DNAJC1: variants seen among roughly 807,000 people sequenced by gnomAD.
The protein encoded by DNAJC1 is dnaJ homolog subfamily C member 1.
A neutral mutation model predicts 76.6 loss-of-function variants in DNAJC1; 58 were observed. The ratio of observed to expected loss-of-function variants is 0.76; its 90% CI spans 0.61 to 0.94. The LOEUF (loss-of-function observed/expected upper bound fraction) is 0.94. Ranked by LOEUF, DNAJC1 falls within the 40% of genes least tolerant of loss-of-function variation. The pLI, the probability that DNAJC1 is intolerant of heterozygous loss-of-function variation, is 0.00. For synonymous variants in DNAJC1, 258 were observed against 267.9 expected, an observed-to-expected ratio of 0.96 and a Z score of 0.36; for missense variants, 689 against 677.3, an observed-to-expected ratio of 1.02 and a Z score of -0.19.
chr10:21,978,932 G>A (rs111335159), intron 1 of DNAJC1, among the ~76,000 whole-genome samples: 5,335 of 151,898 alleles, frequency 0.035, 143 homozygotes, highest in African/African-American at 0.069. Flanking sequence ...AGGTGTAATC[G>A]GTTACTCAGA....
At chr10:21,856,732 G>GA (rs1285612197) in intron 8 of DNAJC1, among the ~76,000 whole-genome samples, 6 of 151,412 alleles carry the variant, frequency 4.0e-5, no homozygotes, top group South Asian at 2.1e-4. Flanking sequence ...ATGACACATA[G>GA]AAAAAAAAAT....
chr10:21,763,603 T>C (rs1834265276), intron 10 of DNAJC1, among the ~76,000 whole-genome samples: 1 of 151,686 alleles, frequency 6.6e-6, no homozygotes, highest in Admixed American at 6.6e-5. Context: ...GCCAAGAATT[T>C]ATTTATTTAT....
At chr10:21,891,298 C>CA (rs1421119057) in intron 7 of DNAJC1, among the ~76,000 whole-genome samples, 1 of 150,896 alleles carries the variant, frequency 6.6e-6, no homozygotes, top group Non-Finnish European at 1.5e-5. Context: ...AAAGTTTCAG[C>CA]AAAAAAATAG....
Position 21,759,235 on chromosome 10 carries a change from G to A in DNAJC1, c.1531C>T (p.Gln511Ter). Reference protein sequence around the residue: ...QQKLLELALQQYPRGSSDRWD... With the variant: ...QQKLLELALQ Reference sequence around the variant, plus strand: ...CGGTCAGAGGATCCCCTTGGGTACTGCTGCAACGCCAGTTCCAGAAGTTTC... The same window carrying A: ...CGGTCAGAGGATCCCCTTGGGTACTACTGCAACGCCAGTTCCAGAAGTTTC... Residue 511 changes from glutamine (Q) to a stop codon, truncating the protein, a stop_gained, in exon 11 of 12, where the codon CAG becomes TAG. Coordinates refer to ENST00000376980, the MANE Select transcript of DNAJC1 (RefSeq NM_022365.4). LOFTEE classifies it high-confidence loss of function. 4 of 1,614,216 alleles carry A rather than the reference G, an allele frequency of 2.5e-6. No individual in the cohort carries two copies. Among genetic ancestry groups the A allele is most frequent in the East Asian group, 2.2e-5 (1 of 44,888 alleles).
chr10:21,943,903 A>G (rs1837461201), intron 1 of DNAJC1, among the ~76,000 whole-genome samples: 1 of 151,500 alleles, frequency 6.6e-6, no homozygotes, highest in African/African-American at 2.4e-5. Flanking sequence ...TCCATGCCAC[A>G]TCAGCAAAAA....
rs1213172688 is a variant in DNAJC1 at position 21,766,254 on chromosome 10, A to G, written c.1147+7T>C. On this transcript the variant is annotated splice_region_variant and intron_variant, in intron 10 of 11. Transcript: ENST00000376980. ...AGATTAATGAGATAGAGGAAGTATG[A>G]ACTCACCTGGGGAGCAGGTCACTGA... 6.2e-7 allele frequency: 1 copy of G among 1,606,738 alleles called. No homozygotes were observed. Among genetic ancestry groups the G allele is most frequent in the East Asian group, 2.2e-5 (1 of 44,848 alleles).
intron 1 of DNAJC1, among the ~76,000 whole-genome samples, chr10:21,964,364 G>A (rs1201584975): frequency 6.6e-6 from 1 of 151,964 alleles, no homozygotes; most frequent in African/African-American, 2.4e-5. Flanking sequence ...ACAGGCACAC[G>A]CCACCATGCC....
intron 9 of DNAJC1, among the ~76,000 whole-genome samples, chr10:21,801,940 G>C (rs1278406924): frequency 1.3e-5 from 2 of 152,120 alleles, no homozygotes; most frequent in Non-Finnish European, 2.9e-5. Context: ...GCTAAATGAT[G>C]AGAACTCATG....
At chr10:21,993,020 C>T (rs568489733) in intron 1 of DNAJC1, among the ~76,000 whole-genome samples, 36 of 152,122 alleles carry the variant, frequency 2.4e-4, no homozygotes, top group Admixed American at 1.1e-3. Flanking sequence ...TTTGTTTCTA[C>T]GAGAGCTAAA....
rs149520499 is a variant in DNAJC1, at chr10:21,824,481, C to T, written c.979-18382G>A. Reference sequence around the variant, plus strand: ...GATGGTGGAAATACATTTGAGTACACGAAGTAAGGCTGTATAAGTTGAAGA... The same window carrying T: ...GATGGTGGAAATACATTTGAGTACATGAAGTAAGGCTGTATAAGTTGAAGA... On this transcript the variant is annotated intron_variant, in intron 8 of 11. Transcript: ENST00000376980. Among the ~76,000 whole-genome samples the T allele has an allele frequency of 1.9e-3, 291 of 152,220 alleles. No individual in the cohort carries two copies. The Middle Eastern group carries it at 0.027, about 14-fold the overall frequency.
intron 11 of DNAJC1, among the ~76,000 whole-genome samples, chr10:21,758,035 A>T (rs1431766463): frequency 6.6e-6 from 1 of 152,212 alleles, no homozygotes; most frequent in Non-Finnish European, 1.5e-5. Flanking sequence ...TCTGCAAACC[A>T]GTCGGAGAGG....
chr10:21,829,516 A>C (rs792460), intron 8 of DNAJC1, among the ~76,000 whole-genome samples: 2 of 151,666 alleles, frequency 1.3e-5, no homozygotes, highest in Admixed American at 6.6e-5. Context: ...GCGCCCAGCA[A>C]TTTTTTTGTA....
chr10:21,848,641 A>G lies in DNAJC1; in HGVS notation c.978+33641T>C, dbSNP rs142306901. 3.1e-3 allele frequency among the ~76,000 whole-genome samples: 467 copies of G among 152,352 alleles called. 3 individuals carry two copies. The highest frequency in any genetic ancestry group is 0.011 in the African/African-American group (448 of 41,594). The stretch of plus-strand genomic sequence containing the variant: ...ACATTATAAACCAAATAGATCTAAC[A>G]GACATCTACAGAACAATCCATCCAA... On this transcript the variant is annotated intron_variant, in intron 8 of 11. Coordinates refer to ENST00000376980, the MANE Select transcript of DNAJC1 (RefSeq NM_022365.4).
chr10:21,964,694 G>T (rs1275438791), intron 1 of DNAJC1, among the ~76,000 whole-genome samples: 1 of 149,602 alleles, frequency 6.7e-6, no homozygotes, highest in East Asian at 1.9e-4. Flanking sequence ...ATTTGCTTCA[G>T]AAAAAGTCTG....
chr10:21,902,911 G>T (rs1836682121), intron 7 of DNAJC1, among the ~76,000 whole-genome samples: 1 of 151,818 alleles, frequency 6.6e-6, no homozygotes, highest in Non-Finnish European at 1.5e-5. Context: ...GTAAATTTTG[G>T]ACTAATTTTA....
intron 8 of DNAJC1, among the ~76,000 whole-genome samples, chr10:21,839,139 G>A (rs1426360984): frequency 6.6e-6 from 1 of 152,198 alleles, no homozygotes; most frequent in Non-Finnish European, 1.5e-5. Context: ...ATGTCCACAA[G>A]AGAAAGCAGG....
intron 8 of DNAJC1, among the ~76,000 whole-genome samples, chr10:21,858,021 C>A (rs1010318331): frequency 2.6e-5 from 4 of 152,078 alleles, no homozygotes; most frequent in African/African-American, 4.8e-5. Context: ...ACATATATAA[C>A]CACAGCTATC....
chr10:21,813,150 G>GTCTCTCTCTC (rs1179588600), intron 8 of DNAJC1, among the ~76,000 whole-genome samples: 1 of 66,118 alleles, frequency 1.5e-5, no homozygotes, highest in Admixed American at 1.8e-4. Flanking sequence ...TGGGTTACTT[G>GTCTCTCTCTC]TCTCTCTCTC....
chr10:21,890,252 A>G (rs12246806), intron 7 of DNAJC1, among the ~76,000 whole-genome samples: 3 of 151,936 alleles, frequency 2.0e-5, no homozygotes, highest in Non-Finnish European at 4.4e-5. Context: ...GTCTCTACTA[A>G]AAATATGAAA....
Sources: allele counts gnomAD v4.1 joint callset (sites outside exome capture counted in the v4.1 genomes callset), GRCh38; gene constraint gnomAD v4.1.1; transcripts MANE v1.5; gene names NCBI Gene and HGNC (gene_info 2026-07-23, HGNC 2026-07-21).